Variants in ANO1 observed in about 807,000 individuals in gnomAD.
ANO1 encodes the protein anoctamin-1.
Under a neutral mutation model 124.0 loss-of-function variants are expected in ANO1, and 59 were observed. The observed-to-expected ratio is 0.48, with a 90% CI of 0.39 to 0.59. The LOEUF is 0.59. Among genes scored for constraint, ANO1 ranks in the 20% least tolerant of loss-of-function variants. The pLI, the probability that ANO1 is intolerant of heterozygous loss-of-function variation, is 0.00. For synonymous variants in ANO1, 529 were observed against 532.0 expected (o/e 0.99, Z 0.08); for missense variants, 1,059 against 1,328.0 (o/e 0.80, Z 3.15).
chr11:69,972,841 C>T, the ANO1 span, among the ~76,000 whole-genome samples: 12 of 152,272 alleles, frequency 7.9e-5, no homozygotes, highest in East Asian at 2.3e-3. Context: ...TCTACACACA[C>T]CCATACTCAG....
chr11:70,030,192 C>T (rs1189176419), intron 1 of ANO1, among the ~76,000 whole-genome samples: 3 of 152,246 alleles, frequency 2.0e-5, no homozygotes, highest in Admixed American at 1.3e-4. Flanking sequence ...ACCGAAGACG[C>T]CTTGGGGGCT....
At chr11:69,972,519 T>G in the ANO1 span, among the ~76,000 whole-genome samples, 1 of 152,176 alleles carries the variant, frequency 6.6e-6, no homozygotes, top group Non-Finnish European at 1.5e-5. Context: ...CTTTGAAAAC[T>G]GTAAAGTGCT....
At chr11:70,151,280 C>T (rs1315789619) in intron 12 of ANO1, among the ~76,000 whole-genome samples, 1 of 152,228 alleles carries the variant, frequency 6.6e-6, no homozygotes, top group East Asian at 1.9e-4. Context: ...ACAGCCTCCA[C>T]CCTCTTCCTC....
chr11:70,124,620 G>A (rs1020610427), intron 9 of ANO1, among the ~76,000 whole-genome samples: 33 of 152,200 alleles, frequency 2.2e-4, no homozygotes, highest in African/African-American at 8.0e-4. Flanking sequence ...AAATTCCCTG[G>A]AGGTCGGGCC....
In ANO1 at chr11:70,188,331, A is replaced by C. The variant is rs761741660; in HGVS notation, c.*327A>C. The C allele has an allele frequency of 6.0e-6, 2 of 334,042 alleles. No individual in the cohort carries two copies. The highest frequency in any genetic ancestry group is 1.1e-5 in the Non-Finnish European group (2 of 180,960). 20.7% of individuals were successfully genotyped at this position (334,042 alleles called of 1,614,324 possible). On this transcript the variant is annotated 3_prime_UTR_variant, in exon 26 of 26. Transcript: ENST00000355303. ...GAAACTTGAGTCTCCCTAGAGGTGA[A>C]AAGTGAGCAGAGGCCCGTAGAAACC...
At chr11:69,976,548 A>G in the ANO1 span, among the ~76,000 whole-genome samples, 2 of 75,938 alleles carry the variant, frequency 2.6e-5, no homozygotes, top group Admixed American at 3.1e-4. Context: ...AAAAAAAAAA[A>G]AAAAAAGAGA....
chr11:70,159,377 G>T (rs112846712), intron 16 of ANO1, among the ~76,000 whole-genome samples: 2 of 152,306 alleles, frequency 1.3e-5, no homozygotes, highest in Admixed American at 6.5e-5. Context: ...TCAGGAATGA[G>T]CACACACTGC....
At chr11:70,139,082 C>T (rs1209323987) in intron 11 of ANO1, among the ~76,000 whole-genome samples, 5 of 152,208 alleles carry the variant, frequency 3.3e-5, no homozygotes, top group Non-Finnish European at 5.9e-5. Context: ...ATAATGGTCT[C>T]TAGCTCCATC....
rs73514546 is a variant in ANO1, at chr11:69,999,425, G to C, written c.58+13259G>C. 4.6e-3 allele frequency among the ~76,000 whole-genome samples: 701 copies of C among 152,282 alleles called. 6 individuals carry two copies. Among genetic ancestry groups the C allele is most frequent in the African/African-American group, 0.016 (673 of 41,552 alleles). ...CCTCCAACAGTGGGGACGACATTTC[G>C]ATATGAGATTTGGGCGGGGACAATG... On this transcript the variant is annotated intron_variant, in intron 1 of 27. Transcript: ENST00000531349.
chr11:70,064,528 G>C (rs1354374583), intron 1 of ANO1: 3 of 152,186 alleles, frequency 2.0e-5, no homozygotes, highest in African/African-American at 7.2e-5. Context: ...CCCCTCTCTG[G>C]CTATGCTGGC....
At chr11:70,054,960 T>C (rs10897547) in intron 1 of ANO1, among the ~76,000 whole-genome samples, 27,234 of 152,226 alleles carry the variant, frequency 0.18, 2,916 homozygotes, top group East Asian at 0.39. Context: ...CATATTTTCA[T>C]GAAATCCAGT....
At chr11:70,177,594 C>CTTTTTTTTTTTTTTTTTTTTTTT (rs57647858) in intron 22 of ANO1, among the ~76,000 whole-genome samples, 7 of 78,926 alleles carry the variant, frequency 8.9e-5, no homozygotes, top group South Asian at 6.2e-4. Context: ...TTTTTTTTTT[C>CTTTTTTTTTTTTTTTTTTTTTTT]TTTTTTTTTT....
chr11:69,969,466 G>A, the ANO1 span, among the ~76,000 whole-genome samples: 2 of 152,200 alleles, frequency 1.3e-5, no homozygotes, highest in African/African-American at 2.4e-5. Context: ...TTTCTCTGGT[G>A]ATGTTCACGG....
At chr11:70,144,140 A>T (rs1022480740) in intron 11 of ANO1, among the ~76,000 whole-genome samples, 1 of 152,090 alleles carries the variant, frequency 6.6e-6, no homozygotes, top group Non-Finnish European at 1.5e-5. Flanking sequence ...ATATTTATTT[A>T]TATATATTTA....
At chr11:70,161,773 C>G (rs951477236) in intron 18 of ANO1, 40 bp downstream of exon 18, 1 of 1,592,920 alleles carries the variant, frequency 6.3e-7, no homozygotes, top group Admixed American at 1.7e-5. Context: ...TCGCTTCTCC[C>G]AGGTCCAGGA....
chr11:70,146,532 T>C (rs2047385482), intron 11 of ANO1, among the ~76,000 whole-genome samples: 1 of 152,086 alleles, frequency 6.6e-6, no homozygotes, highest in Admixed American at 6.5e-5. Context: ...GTCAGGGTTC[T>C]CTGGAAAGAC....
upstream of ANO1, chr11:69,985,875 C>T (rs1856029978): frequency 6.6e-6 from 1 of 152,190 alleles, no homozygotes; most frequent in African/African-American, 2.4e-5. Flanking sequence ...GACCCCCAGA[C>T]CAAAAAGCCG....
intron 1 of ANO1, among the ~76,000 whole-genome samples, chr11:70,020,432 A>G (rs557050991): frequency 1.7e-3 from 252 of 152,146 alleles, no homozygotes; most frequent in African/African-American, 5.6e-3. Context: ...AAAGAGTCAG[A>G]CTGGTCCACC....
chr11:69,975,086 C>T, the ANO1 span, among the ~76,000 whole-genome samples: 2 of 152,296 alleles, frequency 1.3e-5, no homozygotes, highest in Middle Eastern at 3.4e-3. Flanking sequence ...CACAACCGCA[C>T]GTGGCTACCA....
Sources: gnomAD v4.1 joint callset for allele counts (sites outside exome capture counted in the v4.1 genomes callset) on GRCh38, gnomAD v4.1.1 for gene constraint, MANE v1.5 for transcripts, NCBI Gene and HGNC (gene_info 2026-07-23, HGNC 2026-07-21) for gene names.